The following SOS2 variants were observed in gnomAD, a reference collection of about 807,000 sequenced individuals.
SOS2 encodes SOS Ras/Rho guanine nucleotide exchange factor 2, also known as son of sevenless homolog 2.
A neutral mutation model predicts 148.2 loss-of-function variants in SOS2; 65 were observed. The ratio of observed to expected loss-of-function variants is 0.44; its 90% CI spans 0.36 to 0.54. SOS2 has a LOEUF of 0.54. SOS2 is among the 20% of genes least tolerant of loss of function. SOS2 has a pLI of 0.00. For synonymous variants in SOS2, 539 were observed against 537.1 expected (o/e 1.00, Z -0.05); for missense variants, 1,341 against 1,590.2 (o/e 0.84, Z 2.67).
chr14:50,229,613 AG>A (rs1423269901), intron 1 of SOS2, among the ~76,000 whole-genome samples: 1 of 152,126 alleles, frequency 6.6e-6, no homozygotes, highest in Non-Finnish European at 1.5e-5. Flanking sequence ...GTTCAAGACC[AG>A]CCTGGGCAAC....
chr14:50,140,900 T>G (rs1884252567), intron 16 of SOS2, among the ~76,000 whole-genome samples: 1 of 151,970 alleles, frequency 6.6e-6, no homozygotes, highest in South Asian at 2.1e-4. Context: ...AATAAAGAAA[T>G]CAGGATTTAA....
chr14:50,227,565 C>A (rs1055071466), intron 1 of SOS2, among the ~76,000 whole-genome samples: 2 of 152,168 alleles, frequency 1.3e-5, no homozygotes, highest in African/African-American at 2.4e-5. Flanking sequence ...AGGCGTCCGC[C>A]ACCACGCCCG....
intron 7 of SOS2, among the ~76,000 whole-genome samples, chr14:50,178,933 C>T (rs1468720887): frequency 2.0e-5 from 3 of 151,872 alleles, no homozygotes; most frequent in East Asian, 3.9e-4. Flanking sequence ...CAGGGTTTCG[C>T]CAGGCTGGCA....
In SOS2 at chr14:50,138,618, A is replaced by G; in HGVS notation, c.2952T>C (p.Asp984=). 1 of 1,517,760 alleles carries G rather than the reference A, an allele frequency of 6.6e-7. No homozygotes were observed. Among genetic ancestry groups the G allele is most frequent in the Non-Finnish European group, 8.8e-7 (1 of 1,130,276 alleles). 94.0% of individuals were successfully genotyped at this position (1,517,760 alleles called of 1,614,324 possible). A position where few individuals can be genotyped will look rare whatever the true frequency, so the allele number is the denominator to read the frequency against. ...ATGCAAAGAAAATATTTACCCTCATATCTGGTTCTATCCGTAAACAGTAAG... is the reference window on the plus strand; with the variant it reads ...ATGCAAAGAAAATATTTACCCTCATGTCTGGTTCTATCCGTAAACAGTAAG... The part of the protein sequence containing the change: ...NQPYCLRIEP[D]MRRFFENLNP... The change falls in exon 18 of 23, where the codon GAT becomes GAC. Residue 984 remains aspartate (D), a synonymous_variant. Coordinates refer to ENST00000216373, the MANE Select transcript of SOS2 (RefSeq NM_006939.4).
intron 1 of SOS2, among the ~76,000 whole-genome samples, chr14:50,224,310 T>A (rs1405145776): frequency 0.016 from 984 of 61,862 alleles, 54 homozygotes; most frequent in African/African-American, 0.052. Context: ...AAAAAATATA[T>A]ATATACACAC....
chr14:50,216,690 GTGCTGC>G (rs1566484434), intron 1 of SOS2, among the ~76,000 whole-genome samples: 1 of 152,006 alleles, frequency 6.6e-6, no homozygotes, highest in African/African-American at 2.4e-5. Context: ...AGCTGAGATC[GTGCTGC>G]TGCACTCCAG....
At chr14:50,119,303 T>G (rs1280262562) in intron 22 of SOS2, among the ~76,000 whole-genome samples, 1 of 152,138 alleles carries the variant, frequency 6.6e-6, no homozygotes, top group Non-Finnish European at 1.5e-5. Flanking sequence ...AGTAGGGAAC[T>G]TGTTAGAAAA....
At chr14:50,177,629 T>A (rs1050755668) in intron 7 of SOS2, among the ~76,000 whole-genome samples, 1 of 152,220 alleles carries the variant, frequency 6.6e-6, no homozygotes, top group South Asian at 2.1e-4. Flanking sequence ...ATAGACTGTG[T>A]ATTTAATGCA....
chr14:50,140,123 C>G, intron 16 of SOS2, 64 bp from the exon 17 acceptor site: 1 of 828,358 alleles, frequency 1.2e-6, no homozygotes, highest in Non-Finnish European at 1.9e-6. Flanking sequence ...TAAATGCAAA[C>G]CTTTAAATTT....
At chr14:50,226,339 A>G (rs928796056) in intron 1 of SOS2, among the ~76,000 whole-genome samples, 2 of 152,200 alleles carry the variant, frequency 1.3e-5, no homozygotes, top group African/African-American at 4.8e-5. Context: ...ACTCTCATAT[A>G]TCAATGACAC....
chr14:50,142,047 G>A (rs1366115810), intron 16 of SOS2, among the ~76,000 whole-genome samples: 2 of 148,988 alleles, frequency 1.3e-5, no homozygotes, highest in East Asian at 1.9e-4. Flanking sequence ...TTGCTCTGTC[G>A]CACAGGCTGG....
intron 8 of SOS2, among the ~76,000 whole-genome samples, chr14:50,164,474 A>C (rs553627393): frequency 1.4e-4 from 21 of 151,474 alleles, no homozygotes; most frequent in South Asian, 4.2e-4. Context: ...AAAAAATACA[A>C]AAAAAAATTA....
rs141855213 is a variant in SOS2 at position 50,148,502 on chromosome 14, G to A, written c.2384+1506C>T. Among the ~76,000 whole-genome samples, 812 of 152,032 alleles carry A rather than the reference G, an allele frequency of 5.3e-3. 6 individuals are homozygous for A. The highest frequency in any genetic ancestry group is 0.018 in the African/African-American group (764 of 41,462). On this transcript the variant is annotated intron_variant, in intron 14 of 22. Transcript: ENST00000216373. ...AAAGTAGGTCCACATGAAGTGAAGT[G>A]CTTTTTTTCTGATGTCCATTCATGT...
rs771210637 is a variant in SOS2 at position 50,150,014 on chromosome 14, A to G, written c.2378T>C (p.Leu793Pro). ...ATTAACATTAATTGTCTACCTGTAA[A>G]GATCAGACTCCAAAAGTGTCAGCTG... Reference protein sequence around the residue: ...ARQLTLLESDLYRKVQPSELV... With the variant: ...ARQLTLLESDPYRKVQPSELV... The change falls in exon 14 of 23, where the codon CTT becomes CCT. Residue 793 changes from leucine to proline, a missense_variant. Physicochemically the swap from Leu to Pro is moderately conservative, Grantham distance 98 (BLOSUM62 -3). Around this residue, in one of 4 missense-constraint regions of SOS2, gnomAD observed 408 missense variants for 506.6 expected, o/e 0.81. Coordinates refer to ENST00000216373, the MANE Select transcript of SOS2 (RefSeq NM_006939.4). 1 of 1,592,742 alleles carries G rather than the reference A, an allele frequency of 6.3e-7. No homozygotes were observed.
At position 50,159,643 on chromosome 14, in the gene SOS2, G is replaced by A; in HGVS notation, c.1640C>T (p.Thr547Ile). Residue 547 changes from threonine to isoleucine, a missense_variant, in exon 10 of 23, where the codon ACT (threonine) becomes ATT (isoleucine). Thr to Ile is a moderately conservative substitution (Grantham distance 89). Around this residue, in one of 4 missense-constraint regions of SOS2, gnomAD observed 574 missense variants for 711.1 expected, o/e 0.81. Coordinates refer to ENST00000216373, the MANE Select transcript of SOS2 (RefSeq NM_006939.4). ...TACTGAATCTAACATTCGATCTAGA[G>A]TACTACGATAATGAAGAGAAATAAG... ...AALISLHYRS[T>I]LDRMLDSVLL... 1.2e-6 allele frequency: 2 copies of A among 1,613,490 alleles called. No individual in the cohort carries two copies. Among genetic ancestry groups the A allele is most frequent in the African/African-American group, 1.3e-5 (1 of 74,980 alleles).
chr14:50,118,084 T>C lies in SOS2; in HGVS notation c.*260A>G. ...AACCATATTTTTGCAGAGTTTACAG[T>C]GCAAATATAAATTCTTTATACTGGC... On this transcript the variant is annotated 3_prime_UTR_variant, in exon 23 of 23. Transcript: ENST00000216373. 4.9e-6 allele frequency: 2 copies of C among 405,650 alleles called. No individual in the cohort carries two copies. Among genetic ancestry groups the C allele is most frequent in the Non-Finnish European group, 4.4e-6 (1 of 227,548 alleles). The allele number at this position is 405,650 out of a possible 1,614,324, so 25.1% of individuals were successfully genotyped here.
intron 1 of SOS2, 40 bp from the exon 2 acceptor site, chr14:50,204,449 A>G (rs746690974): frequency 1.6e-6 from 2 of 1,282,836 alleles, no homozygotes; most frequent in East Asian, 2.4e-5. Context: ...TGGCAAAATA[A>G]TATAAATTGA....
chr14:50,190,995 G>A (rs1241376298), intron 4 of SOS2, among the ~76,000 whole-genome samples: 1 of 152,176 alleles, frequency 6.6e-6, no homozygotes, highest in Non-Finnish European at 1.5e-5. Flanking sequence ...CCCTTTTAGA[G>A]TAGGTCATAC....
In SOS2 at chr14:50,212,330, T is replaced by C. The variant is rs564028276; in HGVS notation, c.88-7921A>G. ...CTCTACTAAAAATACAAAAATTAAC[T>C]GGTCATGGTGGTGCACACCTGTAGT... On this transcript the variant is annotated intron_variant, in intron 1 of 22. Transcript: ENST00000216373. Among the ~76,000 whole-genome samples, 277 of 152,128 alleles carry C rather than the reference T, an allele frequency of 1.8e-3. 2 individuals carry two copies. The highest frequency in any genetic ancestry group is 6.1e-3 in the African/African-American group (253 of 41,518).
Sources: gnomAD v4.1 joint callset for allele counts (sites outside exome capture counted in the v4.1 genomes callset) on GRCh38, gnomAD v4.1.1 for gene constraint, gnomAD v4.1.1 regional missense constraint, MANE v1.5 for transcripts, NCBI Gene and HGNC (gene_info 2026-07-23, HGNC 2026-07-21) for gene names.